DCC: variants seen among roughly 807,000 people sequenced by gnomAD.
The protein encoded by DCC is netrin receptor DCC.
Under a neutral mutation model 172.5 loss-of-function variants are expected in DCC, and 58 were observed. The ratio of observed to expected loss-of-function variants is 0.34; its 90% CI spans 0.27 to 0.42. DCC has a LOEUF of 0.42. DCC is among the 10% of genes least tolerant of loss of function. DCC has a pLI of 1.00. For synonymous variants in DCC, 709 were observed against 644.5 expected (o/e 1.10, Z -1.52); for missense variants, 1,740 against 1,791.0 (o/e 0.97, Z 0.51).
chr18:52,685,229 G>T (rs2035812001), intron 1 of DCC, among the ~76,000 whole-genome samples: 1 of 151,908 alleles, frequency 6.6e-6, no homozygotes, highest in African/African-American at 2.4e-5. Context: ...TTCCCATTTT[G>T]TTTCCTTCTT....
intron 1 of DCC, among the ~76,000 whole-genome samples, chr18:52,541,873 G>GTTTATATATATATATATA (rs1286782640): frequency 3.3e-5 from 1 of 30,036 alleles, no homozygotes; most frequent in Non-Finnish European, 7.4e-5. Flanking sequence ...ATGTGTGTGT[G>GTTTATATATATATATATA]TGTATATATA....
intron 2 of DCC, among the ~76,000 whole-genome samples, chr18:52,786,460 G>C (rs1479366757): frequency 6.6e-6 from 1 of 151,038 alleles, no homozygotes; most frequent in Non-Finnish European, 1.5e-5. Flanking sequence ...CCTCATTTTT[G>C]GTAAAAAAAC....
intron 1 of DCC, among the ~76,000 whole-genome samples, chr18:52,426,389 C>A (rs1311478308): frequency 2.0e-5 from 3 of 151,152 alleles, no homozygotes; most frequent in Non-Finnish European, 4.4e-5. Context: ...CTTCCTTTTC[C>A]CTTTGTAAAC....
Position 53,459,407 on chromosome 18 carries a change from A to G in DCC, c.3568A>G (p.Ser1190Gly), listed in dbSNP as rs2045523282. 1 of 1,614,074 alleles carries G rather than the reference A, an allele frequency of 6.2e-7. No homozygotes were observed. The highest frequency in any genetic ancestry group is 8.5e-7 in the Non-Finnish European group (1 of 1,179,978). The change falls in exon 24 of 29, where the codon AGC (serine) becomes GGC (glycine). Residue 1190 changes from serine (S) to glycine (G), a missense_variant. Transcript: ENST00000442544. The part of the protein sequence containing the change: ...IQSCQDLTPV[S>G]HSQSETQLGS... ...AAGTTGCCAAGACCTCACACCAGTC[A>G]GCCACAGCCAGTCAGAAACCCAACT... is the stretch of plus-strand genomic sequence containing the variant.
intron 1 of DCC, among the ~76,000 whole-genome samples, chr18:52,657,972 T>C (rs1190219714): frequency 6.6e-6 from 1 of 152,330 alleles, no homozygotes; most frequent in East Asian, 1.9e-4. Context: ...TTCTACACTT[T>C]TGATTCTCTT....
chr18:53,189,527 T>G (rs556457630), intron 9 of DCC, among the ~76,000 whole-genome samples: 27 of 152,230 alleles, frequency 1.8e-4, no homozygotes, highest in South Asian at 6.2e-4. Flanking sequence ...TACAGGTATA[T>G]ACATACATTA....
At chr18:53,029,489 C>A (rs2041999039) in intron 5 of DCC, among the ~76,000 whole-genome samples, 1 of 152,142 alleles carries the variant, frequency 6.6e-6, no homozygotes, top group African/African-American at 2.4e-5. Context: ...ATACCTTCTC[C>A]ATGATCCCAC....
rs1257540851 is a variant in DCC, at chr18:52,610,157, A to T, written c.92-141897A>T. On this transcript the variant is annotated intron_variant, in intron 1 of 28. Coordinates refer to ENST00000442544, the MANE Select transcript of DCC (RefSeq NM_005215.4). Reference sequence around the variant, plus strand: ...GGCAAAACCCCATCTCTCATAAAAAAAAAAAAAAAAAAAAAAAAAAAATAT... The same window carrying T: ...GGCAAAACCCCATCTCTCATAAAAATAAAAAAAAAAAAAAAAAAAAAATAT... Among the ~76,000 whole-genome samples the T allele has an allele frequency of 8.8e-3, 73 of 8,264 alleles. 5 individuals are homozygous for T. Among genetic ancestry groups the T allele is most frequent in the Non-Finnish European group, 0.011 (54 of 4,998 alleles). 5.4% of individuals were successfully genotyped at this position (8,264 alleles called of 152,430 possible).
rs534914221 is a variant in DCC at position 52,626,959 on chromosome 18, G to A, written c.92-125095G>A. On this transcript the variant is annotated intron_variant, in intron 1 of 28. Transcript: ENST00000442544. ...ATCATGGAATCTCCAGGGATACTAA[G>A]GGACAGTTGTACTAGCCATTTATTT... Among the ~76,000 whole-genome samples the A allele has an allele frequency of 3.3e-5, 5 of 152,254 alleles. No individual in the cohort carries two copies. In the East Asian group the frequency reaches 9.7e-4, roughly 29 times the overall value.
intron 1 of DCC, among the ~76,000 whole-genome samples, chr18:52,392,417 A>C (rs1435987165): frequency 6.6e-6 from 1 of 152,148 alleles, no homozygotes; most frequent in South Asian, 2.1e-4. Context: ...GGATGACTGC[A>C]CATAAGCTGT....
intron 14 of DCC, among the ~76,000 whole-genome samples, chr18:53,330,641 G>A (rs1450303999): frequency 6.6e-6 from 1 of 152,128 alleles, no homozygotes; most frequent in Non-Finnish European, 1.5e-5. Context: ...CCTCAAGTGT[G>A]ACATCCCATC....
At chr18:53,267,135 T>C (rs11661097) in intron 12 of DCC, among the ~76,000 whole-genome samples, 2,574 of 125,892 alleles carry the variant, frequency 0.02, 24 homozygotes, top group Non-Finnish European at 0.025. Context: ...CACACACACA[T>C]ATATATATAT....
chr18:53,392,604 T>G (rs929791063), intron 17 of DCC, among the ~76,000 whole-genome samples: 1 of 152,126 alleles, frequency 6.6e-6, no homozygotes, highest in Admixed American at 6.5e-5. Context: ...CTAAGATAAT[T>G]TTGTTACCTC....
intron 14 of DCC, among the ~76,000 whole-genome samples, chr18:53,328,296 C>T (rs1330874279): frequency 6.6e-6 from 1 of 152,162 alleles, no homozygotes; most frequent in East Asian, 1.9e-4. Flanking sequence ...GTTTTGCAGT[C>T]TTAATGACTA....
chr18:53,046,479 G>GA (rs10628083), intron 5 of DCC, among the ~76,000 whole-genome samples: 96,800 of 148,182 alleles, frequency 0.65, 32,573 homozygotes, highest in African/African-American at 0.81. Flanking sequence ...TTTAAAACTG[G>GA]AAAAAAAAAA....
intron 1 of DCC, among the ~76,000 whole-genome samples, chr18:52,548,723 G>A (rs901775688): frequency 6.6e-6 from 1 of 152,088 alleles, no homozygotes; most frequent in African/African-American, 2.4e-5. Context: ...GTGTTGGATG[G>A]CATTTCAGCA....
chr18:53,516,524 T>C (rs1490758072), intron 27 of DCC, among the ~76,000 whole-genome samples: 1 of 149,924 alleles, frequency 6.7e-6, no homozygotes, highest in Non-Finnish European at 1.5e-5. Context: ...ACCTACAAAA[T>C]GGGAGAAAAT....
intron 9 of DCC, among the ~76,000 whole-genome samples, chr18:53,196,151 T>C (rs2055439866): frequency 6.6e-6 from 1 of 152,204 alleles, no homozygotes; most frequent in African/African-American, 2.4e-5. Context: ...TAACATTTAA[T>C]ATGTAAACCT....
intron 2 of DCC, among the ~76,000 whole-genome samples, chr18:52,872,916 T>TACAA (rs1163469901): frequency 6.6e-6 from 1 of 152,104 alleles, no homozygotes; most frequent in Admixed American, 6.6e-5. Context: ...AAGTTAGAAA[T>TACAA]ACAAATTATA....
Sources: allele counts gnomAD v4.1 joint callset (sites outside exome capture counted in the v4.1 genomes callset), GRCh38; gene constraint gnomAD v4.1.1; transcripts MANE v1.5; gene names NCBI Gene and HGNC (gene_info 2026-07-23, HGNC 2026-07-21).